The following CTNNA3 variants were observed in gnomAD, a reference collection of about 807,000 sequenced individuals.
CTNNA3 encodes catenin alpha-3.
Under a neutral mutation model 95.7 loss-of-function variants are expected in CTNNA3, and 76 were observed. The ratio of observed to expected loss-of-function variants is 0.79; its 90% CI spans 0.66 to 0.96. CTNNA3 has a LOEUF of 0.96. CTNNA3 is among the 40% of genes least tolerant of loss of function. The pLI is 0.00. For missense variants in CTNNA3, 1,191 were observed against 1,089.8 expected (o/e 1.09, Z -1.31); for synonymous variants, 431 against 374.4 (o/e 1.15, Z -1.74).
At position 66,515,343 on chromosome 10, in the gene CTNNA3, C is replaced by A. The variant is rs147605970; in HGVS notation, c.1531+5274G>T. ...TCTCCCTCTCTGTCTCTCTCTCTCTCTCTATATATATATATAGTATTAGTA... is the reference window on the plus strand; with the variant it reads ...TCTCCCTCTCTGTCTCTCTCTCTCTATCTATATATATATATAGTATTAGTA... On this transcript the variant is annotated intron_variant, in intron 11 of 17. Coordinates refer to ENST00000433211, the MANE Select transcript of CTNNA3 (RefSeq NM_013266.4). Among the ~76,000 whole-genome samples the A allele has an allele frequency of 6.8e-3, 947 of 138,646 alleles. 11 individuals carry two copies. The highest frequency in any genetic ancestry group is 0.014 in the African/African-American group (539 of 37,994). The allele number at this position is 138,646 out of a possible 152,430, so 91.0% of individuals were successfully genotyped here.
chr10:67,726,533 T>TG (rs1564841265), intron 1 of CTNNA3, among the ~76,000 whole-genome samples: 7 of 61,738 alleles, frequency 1.1e-4, no homozygotes, highest in Admixed American at 6.2e-4. Flanking sequence ...ATTATATATA[T>TG]TATTATATAT....
At chr10:66,859,461 A>G (rs1589344141) in intron 7 of CTNNA3, among the ~76,000 whole-genome samples, 1 of 152,014 alleles carries the variant, frequency 6.6e-6, no homozygotes, top group African/African-American at 2.4e-5. Context: ...CAAAACCACA[A>G]TGAGATATCA....
At chr10:67,303,982 C>T (rs1014652240) in intron 5 of CTNNA3, among the ~76,000 whole-genome samples, 2 of 152,168 alleles carry the variant, frequency 1.3e-5, no homozygotes, top group Admixed American at 6.5e-5. Context: ...TCTTTATTTG[C>T]ATTTAATCCT....
chr10:67,553,189 C>T (rs1841094838), intron 3 of CTNNA3, among the ~76,000 whole-genome samples: 1 of 152,146 alleles, frequency 6.6e-6, no homozygotes, highest in African/African-American at 2.4e-5. Flanking sequence ...AGTTCAACAA[C>T]TCCTTTCTCT....
At chr10:66,690,114 A>G (rs1048139530) in intron 9 of CTNNA3, among the ~76,000 whole-genome samples, 15 of 152,154 alleles carry the variant, frequency 9.9e-5, no homozygotes, top group African/African-American at 3.6e-4. Context: ...AGTATCCCTC[A>G]AAAATAAAGA....
At chr10:66,127,990 T>C (rs1181630388) in intron 13 of CTNNA3, among the ~76,000 whole-genome samples, 1 of 152,026 alleles carries the variant, frequency 6.6e-6, no homozygotes, top group Non-Finnish European at 1.5e-5. Flanking sequence ...GAGAATCGCT[T>C]GAAACTGGGA....
chr10:66,210,209 A>G (rs1235635240), intron 13 of CTNNA3, among the ~76,000 whole-genome samples: 1 of 151,838 alleles, frequency 6.6e-6, no homozygotes, highest in Non-Finnish European at 1.5e-5. Context: ...TGTATCATAT[A>G]TGGGAAGAAA....
intron 5 of CTNNA3, among the ~76,000 whole-genome samples, chr10:67,281,371 T>C (rs1462589081): frequency 1.3e-5 from 2 of 152,216 alleles, no homozygotes; most frequent in Non-Finnish European, 2.9e-5. Context: ...TCCTTTTGTT[T>C]TCCTTCTGCA....
intron 7 of CTNNA3, among the ~76,000 whole-genome samples, chr10:66,873,248 G>A (rs1161264597): frequency 6.6e-6 from 1 of 152,148 alleles, no homozygotes; most frequent in Non-Finnish European, 1.5e-5. Context: ...TCTGCTTTAA[G>A]TTCTTTAAGA....
chr10:67,303,017 G>T (rs763167757), intron 5 of CTNNA3, among the ~76,000 whole-genome samples: 1 of 152,154 alleles, frequency 6.6e-6, no homozygotes, highest in Admixed American at 6.5e-5. Flanking sequence ...GACCTCACCC[G>T]AGACCTATTA....
intron 5 of CTNNA3, among the ~76,000 whole-genome samples, chr10:67,366,761 C>T (rs866491340): frequency 2.8e-4 from 43 of 152,228 alleles, no homozygotes; most frequent in Middle Eastern, 3.4e-3. Flanking sequence ...GGGGAAAGAA[C>T]TCTCTACTCC....
At position 65,925,660 on chromosome 10, in the gene CTNNA3, C is replaced by T. The variant is rs898942608; in HGVS notation, c.2401-5043G>A. ...CCATATTGGCTAGGTCAGTCCCCAA[C>T]TCCTGACCTCAGGTCATCCGCCTTC... On this transcript the variant is annotated intron_variant, in intron 17 of 17. Transcript: ENST00000433211. 3.9e-5 allele frequency among the ~76,000 whole-genome samples: 6 copies of T among 152,324 alleles called. No homozygotes were observed. In the East Asian group the frequency reaches 1.2e-3, roughly 29 times the overall value.
intron 5 of CTNNA3, among the ~76,000 whole-genome samples, chr10:67,472,316 T>C (rs1428706309): frequency 6.6e-6 from 1 of 152,180 alleles, no homozygotes; most frequent in Non-Finnish European, 1.5e-5. Context: ...CTCTTATCTG[T>C]TCTATCTTAG....
At chr10:66,434,039 A>G (rs995814733) in intron 11 of CTNNA3, among the ~76,000 whole-genome samples, 30 of 152,146 alleles carry the variant, frequency 2.0e-4, no homozygotes, top group Admixed American at 2.0e-3. Context: ...TGTTTTTGTT[A>G]CTGCAGCCTT....
intron 13 of CTNNA3, among the ~76,000 whole-genome samples, chr10:66,162,053 T>A (rs1410360501): frequency 6.6e-6 from 1 of 152,020 alleles, no homozygotes; most frequent in Non-Finnish European, 1.5e-5. Context: ...CTGAATTTTT[T>A]ATTTTTTTTT....
At chr10:66,798,682 T>C (rs1841307840) in intron 7 of CTNNA3, among the ~76,000 whole-genome samples, 1 of 151,608 alleles carries the variant, frequency 6.6e-6, no homozygotes, top group Non-Finnish European at 1.5e-5. Context: ...ACAGGTAAAC[T>C]TTGATTAGTG....
chr10:66,812,800 T>G (rs548177802), intron 7 of CTNNA3, among the ~76,000 whole-genome samples: 1 of 152,312 alleles, frequency 6.6e-6, no homozygotes, highest in Non-Finnish European at 1.5e-5. Flanking sequence ...CCAGAAATTC[T>G]AGATGTATAA....
chr10:66,205,841 G>T (rs372961465), intron 13 of CTNNA3, among the ~76,000 whole-genome samples: 13 of 151,970 alleles, frequency 8.6e-5, no homozygotes, highest in African/African-American at 3.1e-4. Flanking sequence ...TCTTTTAACA[G>T]AACTTTTAAG....
intron 5 of CTNNA3, among the ~76,000 whole-genome samples, chr10:67,263,281 AC>A (rs1218604700): frequency 6.6e-6 from 1 of 152,172 alleles, no homozygotes; most frequent in Non-Finnish European, 1.5e-5. Flanking sequence ...GTGATTTCAG[AC>A]CTAGTACTAT....
Sources: gnomAD v4.1 joint callset for allele counts (sites outside exome capture counted in the v4.1 genomes callset) on GRCh38, gnomAD v4.1.1 for gene constraint, MANE v1.5 for transcripts, NCBI Gene and HGNC (gene_info 2026-07-23, HGNC 2026-07-21) for gene names.